Variants in GPC6 observed in about 807,000 individuals in gnomAD.
GPC6 encodes glypican 6.
A neutral mutation model predicts 55.2 loss-of-function variants in GPC6; 14 were observed. That is an observed-to-expected ratio of 0.25 (90% CI 0.17 to 0.40). The LOEUF (loss-of-function observed/expected upper bound fraction) is 0.40, where lower values mean the gene tolerates loss of function less well. Ranked by LOEUF, GPC6 falls within the 10% of genes least tolerant of loss-of-function variation. The probability of loss-of-function intolerance (pLI) is 1.00; values close to 1 mark genes in which losing one functional copy is unlikely to be tolerated. For missense variants in GPC6, 641 were observed against 708.5 expected (o/e 0.90, Z 1.08); for synonymous variants, 278 against 259.6 (o/e 1.07, Z -0.68).
chr13:93,839,796 C>G (rs1887882301), intron 3 of GPC6, among the ~76,000 whole-genome samples: 2 of 152,044 alleles, frequency 1.3e-5, no homozygotes, highest in Non-Finnish European at 2.9e-5. Flanking sequence ...TTAAACCATC[C>G]CTGCATCCTT....
intron 4 of GPC6, among the ~76,000 whole-genome samples, chr13:94,074,173 C>A (rs907533063): frequency 1.3e-5 from 2 of 152,106 alleles, no homozygotes; most frequent in Non-Finnish European, 2.9e-5. Flanking sequence ...CAATAGCCTC[C>A]ATGCATTTTT....
At chr13:93,783,494 T>A (rs952665220) in intron 2 of GPC6, among the ~76,000 whole-genome samples, 2 of 152,156 alleles carry the variant, frequency 1.3e-5, no homozygotes, top group African/African-American at 4.8e-5. Context: ...CAGCATCTGT[T>A]GTTTCTTGAC....
intron 5 of GPC6, among the ~76,000 whole-genome samples, chr13:94,302,153 T>G (rs1264760858): frequency 2.0e-5 from 3 of 152,240 alleles, no homozygotes; most frequent in Non-Finnish European, 4.4e-5. Flanking sequence ...CTTAGTCTGC[T>G]CAGGCTGCTA....
chr13:93,613,578 G>A (rs1420405791), intron 2 of GPC6, among the ~76,000 whole-genome samples: 1 of 151,024 alleles, frequency 6.6e-6, no homozygotes, highest in Non-Finnish European at 1.5e-5. Flanking sequence ...GAAGTGTGGA[G>A]GTTCCATTGA....
At chr13:93,598,611 A>G (rs993775590) in intron 2 of GPC6, among the ~76,000 whole-genome samples, 11 of 152,204 alleles carry the variant, frequency 7.2e-5, no homozygotes, top group Admixed American at 5.2e-4. Flanking sequence ...TGAATATGGC[A>G]TTATTAAACC....
At chr13:94,071,818 A>G (rs753038423) in intron 4 of GPC6, among the ~76,000 whole-genome samples, 1 of 152,236 alleles carries the variant, frequency 6.6e-6, no homozygotes, top group Non-Finnish European at 1.5e-5. Context: ...AAAAGTTACA[A>G]ATAAAAAAGT....
At chr13:93,281,081 G>A (rs1201014750) in intron 1 of GPC6, among the ~76,000 whole-genome samples, 2 of 152,160 alleles carry the variant, frequency 1.3e-5, no homozygotes, top group Non-Finnish European at 2.9e-5. Context: ...TGTGTCCAAA[G>A]TCATTCAGCT....
intron 4 of GPC6, among the ~76,000 whole-genome samples, chr13:94,099,324 G>A (rs535358186): frequency 1.3e-5 from 2 of 152,140 alleles, no homozygotes; most frequent in South Asian, 4.2e-4. Flanking sequence ...ATAATGTTGT[G>A]TACATTATAT....
chr13:94,005,743 G>A (rs557710548), intron 3 of GPC6, among the ~76,000 whole-genome samples: 8 of 152,190 alleles, frequency 5.3e-5, no homozygotes, highest in African/African-American at 1.9e-4. Flanking sequence ...TATTAAACAT[G>A]TTTATTATTT....
intron 4 of GPC6, among the ~76,000 whole-genome samples, chr13:94,112,372 A>G (rs1469917717): frequency 6.6e-6 from 1 of 152,122 alleles, no homozygotes; most frequent in Non-Finnish European, 1.5e-5. Flanking sequence ...TGCTAGGGTG[A>G]CCTAATTTGT....
intron 4 of GPC6, among the ~76,000 whole-genome samples, chr13:94,233,915 G>A (rs974213731): frequency 6.6e-6 from 1 of 152,168 alleles, no homozygotes; most frequent in East Asian, 1.9e-4. Context: ...CATATGCTGA[G>A]GGTCTTCGAA....
chr13:93,218,498 T>G, the GPC6 span, among the ~76,000 whole-genome samples: 2 of 152,214 alleles, frequency 1.3e-5, no homozygotes, highest in Admixed American at 1.3e-4. Context: ...TAGTTGATAT[T>G]TATTATGCAG....
At chr13:94,147,040 T>C (rs999082488) in intron 4 of GPC6, among the ~76,000 whole-genome samples, 4 of 152,172 alleles carry the variant, frequency 2.6e-5, no homozygotes, top group Non-Finnish European at 5.9e-5. Flanking sequence ...CTAAAATCAG[T>C]GTATGCTTTA....
chr13:93,419,894 T>A (rs1876863293), intron 1 of GPC6, among the ~76,000 whole-genome samples: 1 of 152,140 alleles, frequency 6.6e-6, no homozygotes. Context: ...CCCTACTGTG[T>A]CTATTATATT....
rs574325882 is a variant in GPC6, at chr13:93,318,914, A to G, written c.160+91298A>G. 7.2e-5 allele frequency among the ~76,000 whole-genome samples: 11 copies of G among 152,290 alleles called. No homozygotes were observed. The South Asian group carries it at 2.3e-3, about 32-fold the overall frequency. On this transcript the variant is annotated intron_variant, in intron 1 of 8. Transcript: ENST00000377047. Reference sequence around the variant, plus strand: ...TTCCCTGCATGAACAGACACTGACTACTGGAGTGCCCTTACTCTAGTCAGA... The same window carrying G: ...TTCCCTGCATGAACAGACACTGACTGCTGGAGTGCCCTTACTCTAGTCAGA...
intron 3 of GPC6, among the ~76,000 whole-genome samples, chr13:93,978,816 A>C (rs1052982877): frequency 6.6e-6 from 1 of 152,174 alleles, no homozygotes; most frequent in African/African-American, 2.4e-5. Flanking sequence ...TTGTATGTTT[A>C]ATTTCTACAT....
intron 6 of GPC6, among the ~76,000 whole-genome samples, chr13:94,329,650 T>A (rs1877306921): frequency 6.6e-6 from 1 of 152,308 alleles, no homozygotes; most frequent in East Asian, 1.9e-4. Flanking sequence ...TTTTTCCAGA[T>A]GAAAATGGAC....
intron 1 of GPC6, among the ~76,000 whole-genome samples, chr13:93,530,227 C>T (rs1443802313): frequency 6.6e-6 from 1 of 152,120 alleles, no homozygotes; most frequent in African/African-American, 2.4e-5. Context: ...ATTGCAAAAC[C>T]TGGATCAGTT....
intron 1 of GPC6, among the ~76,000 whole-genome samples, chr13:93,408,188 A>G (rs1246516438): frequency 6.6e-6 from 1 of 152,196 alleles, no homozygotes; most frequent in Non-Finnish European, 1.5e-5. Flanking sequence ...GCCAACTCTC[A>G]CCTCTGGAAG....
Sources: allele counts gnomAD v4.1 joint callset (sites outside exome capture counted in the v4.1 genomes callset), GRCh38; gene constraint gnomAD v4.1.1; transcripts MANE v1.5; gene names NCBI Gene and HGNC (gene_info 2026-07-23, HGNC 2026-07-21).